The following FSTL5 variants were observed in gnomAD, a reference collection of about 807,000 sequenced individuals.
FSTL5 encodes follistatin-related protein 5.
A neutral mutation model predicts 89.1 loss-of-function variants in FSTL5; 62 were observed. The observed-to-expected ratio is 0.70, with a 90% CI of 0.57 to 0.86. The LOEUF is 0.86. Among genes scored for constraint, FSTL5 ranks in the 40% least tolerant of loss-of-function variants. FSTL5 has a pLI of 0.00. For missense variants in FSTL5, 1,057 were observed against 1,001.6 expected (o/e 1.06, Z -0.75); for synonymous variants, 383 against 346.2 (o/e 1.11, Z -1.18).
At chr4:161,664,346 CT>C (rs1334118005) in intron 6 of FSTL5, among the ~76,000 whole-genome samples, 1 of 152,142 alleles carries the variant, frequency 6.6e-6, no homozygotes, top group Non-Finnish European at 1.5e-5. Flanking sequence ...CCCAAATCAC[CT>C]TTTGAATGTT....
intron 7 of FSTL5, among the ~76,000 whole-genome samples, chr4:161,647,991 G>A (rs1736209651): frequency 6.6e-6 from 1 of 152,082 alleles, no homozygotes; most frequent in Non-Finnish European, 1.5e-5. Context: ...TTTGGCTGGG[G>A]CAATTGGAGG....
rs1184067151 is a variant in FSTL5, at chr4:162,059,332, C to T, written c.127-25674G>A. ...CTGAAATATTAGCCATAGGACATCA[C>T]GCATGGTAGAAAGCATACATTCTTA... On this transcript the variant is annotated intron_variant, in intron 2 of 15. Transcript: ENST00000306100. Among the ~76,000 whole-genome samples the T allele has an allele frequency of 3.9e-5, 6 of 152,200 alleles. No homozygotes were observed. The East Asian group carries it at 7.7e-4, about 20-fold the overall frequency.
At chr4:161,742,525 A>T (rs1740063182) in intron 6 of FSTL5, among the ~76,000 whole-genome samples, 1 of 152,200 alleles carries the variant, frequency 6.6e-6, no homozygotes, top group African/African-American at 2.4e-5. Flanking sequence ...GGGTATAAAT[A>T]GGGTAATGTA....
At chr4:161,716,976 T>G (rs1739009377) in intron 6 of FSTL5, among the ~76,000 whole-genome samples, 1 of 152,160 alleles carries the variant, frequency 6.6e-6, no homozygotes, top group African/African-American at 2.4e-5. Flanking sequence ...GCTTGAAAAT[T>G]TTTATGGTTA....
In FSTL5 at chr4:161,779,790, T is replaced by TAC. The variant is rs1388433401; in HGVS notation, c.410-3717_410-3716insGT. 8.4e-4 allele frequency among the ~76,000 whole-genome samples: 42 copies of TAC among 50,168 alleles called. No homozygotes were observed. In the South Asian group the frequency reaches 0.025, roughly 30 times the overall value. The allele number at this position is 50,168 out of a possible 152,430, so 32.9% of individuals were successfully genotyped here. On this transcript the variant is annotated intron_variant, in intron 4 of 15. Transcript: ENST00000306100. ...ATATATATATGTATATATATATATA[T>TAC]ATATATATATATATATATATGTATA...
chr4:161,657,447 C>A (rs981599238), intron 6 of FSTL5, among the ~76,000 whole-genome samples: 1 of 152,104 alleles, frequency 6.6e-6, no homozygotes, highest in Non-Finnish European at 1.5e-5. Flanking sequence ...ACTTAAATGT[C>A]GATGTAGAGG....
intron 3 of FSTL5, among the ~76,000 whole-genome samples, chr4:162,021,486 G>A (rs1215568747): frequency 6.6e-6 from 1 of 152,064 alleles, no homozygotes; most frequent in Non-Finnish European, 1.5e-5. Flanking sequence ...ATAGGTTTAT[G>A]AAACATGGTA....
rs541741480 is a variant in FSTL5 at position 161,741,697 on chromosome 4, T to TA, written c.727+17713_727+17714insT. On this transcript the variant is annotated intron_variant, in intron 6 of 15. Coordinates refer to ENST00000306100, the MANE Select transcript of FSTL5 (RefSeq NM_020116.5). Reference sequence around the variant, plus strand: ...AGAAGTATGATTTTTTTTTTTTTTTTTTTTTTTGGAGGTGGAGTCTCACTC... The same window carrying TA: ...AGAAGTATGATTTTTTTTTTTTTTTTATTTTTTTGGAGGTGGAGTCTCACTC... Among the ~76,000 whole-genome samples the TA allele has an allele frequency of 3.4e-3, 365 of 107,770 alleles. 2 individuals carry two copies. Among genetic ancestry groups the TA allele is most frequent in the Non-Finnish European group, 6.3e-3 (272 of 42,924 alleles). 70.7% of individuals were successfully genotyped at this position (107,770 alleles called of 152,430 possible).
At chr4:161,431,774 A>T (rs1732384119) in intron 15 of FSTL5, among the ~76,000 whole-genome samples, 1 of 152,150 alleles carries the variant, frequency 6.6e-6, no homozygotes, top group East Asian at 1.9e-4. Flanking sequence ...ATGAAAAAAG[A>T]TATTTTCTGC....
intron 3 of FSTL5, among the ~76,000 whole-genome samples, chr4:162,007,990 T>C (rs1211567931): frequency 6.6e-6 from 1 of 151,848 alleles, no homozygotes; most frequent in Non-Finnish European, 1.5e-5. Context: ...TAAGAGGAAC[T>C]TTGGACAGTG....
chr4:162,083,246 CA>C (rs1397598004), intron 2 of FSTL5, among the ~76,000 whole-genome samples: 1 of 151,804 alleles, frequency 6.6e-6, no homozygotes, highest in Admixed American at 6.6e-5. Context: ...CAAGTACTAA[CA>C]TTTTGTGATT....
At chr4:161,654,300 A>T (rs1271764755) in intron 7 of FSTL5, among the ~76,000 whole-genome samples, 1 of 152,176 alleles carries the variant, frequency 6.6e-6, no homozygotes, top group Non-Finnish European at 1.5e-5. Context: ...TTTTCAGACC[A>T]CAGCACCCTC....
intron 6 of FSTL5, among the ~76,000 whole-genome samples, chr4:161,713,697 T>C (rs1738877453): frequency 6.6e-6 from 1 of 152,146 alleles, no homozygotes; most frequent in African/African-American, 2.4e-5. Flanking sequence ...TTTAGGGTTT[T>C]GTATTAGTTA....
At chr4:161,787,119 A>G (rs1741932639) in intron 4 of FSTL5, among the ~76,000 whole-genome samples, 1 of 152,126 alleles carries the variant, frequency 6.6e-6, no homozygotes, top group African/African-American at 2.4e-5. Flanking sequence ...TGATGCCATC[A>G]ATAGAAATTC....
At chr4:161,870,589 A>G (rs1035370968) in intron 4 of FSTL5, among the ~76,000 whole-genome samples, 13 of 152,134 alleles carry the variant, frequency 8.5e-5, no homozygotes, top group African/African-American at 3.1e-4. Context: ...TCTGGCATAT[A>G]CTTAGCACTC....
chr4:161,441,885 C>T (rs1408146338), intron 15 of FSTL5, among the ~76,000 whole-genome samples: 1 of 152,054 alleles, frequency 6.6e-6, no homozygotes, highest in African/African-American at 2.4e-5. Flanking sequence ...ATGGAGGCAA[C>T]CTTGACCTTT....
intron 8 of FSTL5, among the ~76,000 whole-genome samples, chr4:161,568,885 C>T (rs1354645622): frequency 6.6e-6 from 1 of 152,106 alleles, no homozygotes. Flanking sequence ...CAGTACTAAA[C>T]TGACTAACAA....
chr4:161,933,921 A>C (rs531157531), intron 3 of FSTL5, among the ~76,000 whole-genome samples: 1 of 152,180 alleles, frequency 6.6e-6, no homozygotes, highest in African/African-American at 2.4e-5. Context: ...TAGCTCTTTA[A>C]GTGGTAGCAC....
At chr4:161,567,232 A>G (rs997113852) in intron 8 of FSTL5, among the ~76,000 whole-genome samples, 1 of 152,170 alleles carries the variant, frequency 6.6e-6, no homozygotes, top group Admixed American at 6.6e-5. Context: ...AGCATCTAGC[A>G]GTAAAACAAC....
Sources: gnomAD v4.1 joint callset for allele counts (sites outside exome capture counted in the v4.1 genomes callset) on GRCh38, gnomAD v4.1.1 for gene constraint, MANE v1.5 for transcripts, NCBI Gene and HGNC (gene_info 2026-07-23, HGNC 2026-07-21) for gene names.